The following GALNT6 variants were observed in gnomAD, a reference collection of about 807,000 sequenced individuals.
The protein encoded by GALNT6 is polypeptide N-acetylgalactosaminyltransferase 6.
In GALNT6, 51 loss-of-function variants were observed where a neutral mutation model predicts 65.9. The observed-to-expected ratio is 0.77, with a 90% CI of 0.62 to 0.98. GALNT6 has a LOEUF of 0.98. Among genes scored for constraint, GALNT6 ranks in the 50% least tolerant of loss-of-function variants. The pLI, the probability that GALNT6 is intolerant of heterozygous loss-of-function variation, is 0.00. For missense variants in GALNT6, 708 were observed against 803.3 expected, an observed-to-expected ratio of 0.88 and a Z score of 1.43; for synonymous variants, 323 against 315.1, an observed-to-expected ratio of 1.02 and a Z score of -0.26.
At chr12:51,381,878 G>A (rs1947683774) in intron 2 of GALNT6, among the ~76,000 whole-genome samples, 1 of 152,210 alleles carries the variant, frequency 6.6e-6, no homozygotes, top group Non-Finnish European at 1.5e-5. Flanking sequence ...CTGGCCCTTG[G>A]CCAAAGCCAC....
chr12:51,354,947 C>T (rs1308098898), intron 11 of GALNT6, among the ~76,000 whole-genome samples: 1 of 151,460 alleles, frequency 6.6e-6, no homozygotes, highest in South Asian at 2.1e-4. Flanking sequence ...AGCATGGTGG[C>T]GGTTACATGG....
intron 10 of GALNT6, among the ~76,000 whole-genome samples, chr12:51,356,351 C>G (rs1452836563): frequency 9.3e-6 from 1 of 108,066 alleles, no homozygotes; most frequent in African/African-American, 3.4e-5. Flanking sequence ...AGTATATTTT[C>G]TCTTTTTTTT....
intron 4 of GALNT6, among the ~76,000 whole-genome samples, chr12:51,366,074 T>C (rs73309782): frequency 0.028 from 4,188 of 152,270 alleles, 162 homozygotes; most frequent in East Asian, 0.13. Flanking sequence ...TGTGCAACCA[T>C]GCCTGGCTCA....
chr12:51,379,918 C>A, intron 2 of GALNT6, 34 bp from the exon 3 acceptor site: 1 of 905,102 alleles, frequency 1.1e-6, no homozygotes, highest in Admixed American at 2.9e-5. Context: ...GAGAAGTGAG[C>A]CAACACAGGG....
rs755449253 is a variant in GALNT6, at chr12:51,358,296, C to T, written c.1369-35G>A. Reference sequence around the variant, plus strand: ...AAGCCAGCCCCCTAAGGATCAGTTCCACCAGTTTTTTTTTTTTTTTTTAAG... The same window carrying T: ...AAGCCAGCCCCCTAAGGATCAGTTCTACCAGTTTTTTTTTTTTTTTTTAAG... On this transcript the variant is annotated intron_variant, in intron 8 of 11. Coordinates refer to ENST00000356317, the MANE Select transcript of GALNT6 (RefSeq NM_007210.4). 19 of 1,575,968 alleles carry T rather than the reference C, an allele frequency of 1.2e-5. No homozygotes were observed. In the East Asian group the frequency reaches 4.1e-4, roughly 34 times the overall value.
intron 2 of GALNT6, among the ~76,000 whole-genome samples, chr12:51,390,164 T>TTC (rs1565741258): frequency 4.2e-5 from 2 of 47,236 alleles, no homozygotes; most frequent in Admixed American, 2.1e-4. Context: ...TTCTTTTTTT[T>TTC]TTTTTTTTTT....
At chr12:51,388,549 G>C (rs1056446650) in intron 2 of GALNT6, among the ~76,000 whole-genome samples, 7 of 152,144 alleles carry the variant, frequency 4.6e-5, no homozygotes. Flanking sequence ...CCTAGACTAA[G>C]GTGCATCTTG....
intron 4 of GALNT6, among the ~76,000 whole-genome samples, chr12:51,367,771 C>G (rs1947156060): frequency 6.6e-6 from 1 of 152,218 alleles, no homozygotes; most frequent in Non-Finnish European, 1.5e-5. Context: ...CAGCACTGAG[C>G]TGGAGTGTGT....
At chr12:51,374,835 G>A (rs1174751781) in intron 4 of GALNT6, among the ~76,000 whole-genome samples, 1 of 152,136 alleles carries the variant, frequency 6.6e-6, no homozygotes, top group Non-Finnish European at 1.5e-5. Context: ...TCTTCCTGCC[G>A]ATTATCCTCC....
chr12:51,389,515 T>G (rs1947955304), intron 2 of GALNT6, among the ~76,000 whole-genome samples: 1 of 152,246 alleles, frequency 6.6e-6, no homozygotes, highest in Non-Finnish European at 1.5e-5. Flanking sequence ...TGCATTTGAC[T>G]GGTGCTTGGA....
chr12:51,379,608 C>A lies in GALNT6; in HGVS notation c.174G>T (p.Leu58=). 6.2e-7 allele frequency: 1 copy of A among 1,614,114 alleles called. No homozygotes were observed. The highest frequency in any genetic ancestry group is 8.5e-7 in the Non-Finnish European group (1 of 1,179,958). ...SRKDHVLDLM[L]EAMNNLRDSM... is the part of the protein sequence containing the mutation. ...AATCTCTAAGGTTGTTCATGGCCTC[C>A]AGCATGAGGTCCAGGACGTGATCCT... The change falls in exon 3 of 12, where the codon CTG becomes CTT. Residue 58 remains leucine, a synonymous_variant. Coordinates refer to ENST00000356317, the MANE Select transcript of GALNT6 (RefSeq NM_007210.4).
rs1386682724 is a variant in GALNT6, at chr12:51,387,770, T to C, written c.-104+3080A>G. Among the ~76,000 whole-genome samples the C allele has an allele frequency of 2.7e-5, 4 of 147,766 alleles. No homozygotes were observed. The East Asian group carries it at 6.0e-4, about 22-fold the overall frequency. The stretch of plus-strand genomic sequence containing the variant: ...ACGAGACTGGGCTTGAGGGGGAGAG[T>C]TGGGGGAAAGGACAGAGAAGGGACA... On this transcript the variant is annotated intron_variant, in intron 2 of 11. Transcript: ENST00000356317. This position sits in a 1 kb window ranked among gnomAD's most constrained non-coding sequence, Gnocchi z 4.2.
chr12:51,378,999 A>G (rs905890223), intron 3 of GALNT6, among the ~76,000 whole-genome samples: 1 of 152,034 alleles, frequency 6.6e-6, no homozygotes, highest in Non-Finnish European at 1.5e-5. Flanking sequence ...ACCCCGTGCC[A>G]GGTCCTGGTG....
At position 51,389,259 on chromosome 12, in the gene GALNT6, C is replaced by T. The variant is rs534280827; in HGVS notation, c.-104+1591G>A. Among the ~76,000 whole-genome samples, 38 of 152,336 alleles carry T rather than the reference C, an allele frequency of 2.5e-4. 1 individual carries two copies. Among genetic ancestry groups the T allele is most frequent in the South Asian group, 2.5e-3 (12 of 4,830 alleles). On this transcript the variant is annotated intron_variant, in intron 2 of 11. Transcript: ENST00000356317. ...AGCATCCCTTCCAGGGCTGAGATGT[C>T]GGAACACATCCGTGGGAGCCAGAAA...
rs368880747 is a variant in GALNT6, at chr12:51,370,491, C to T, written c.665-4912G>A. On this transcript the variant is annotated intron_variant, in intron 4 of 11. Coordinates refer to ENST00000356317, the MANE Select transcript of GALNT6 (RefSeq NM_007210.4). Reference sequence around the variant, plus strand: ...TGGAGGTTGCGGTGAGCCAAGATTGCGCCAATGGGCAACAAGAACGAACTC... The same window carrying T: ...TGGAGGTTGCGGTGAGCCAAGATTGTGCCAATGGGCAACAAGAACGAACTC... Among the ~76,000 whole-genome samples, 40 of 152,200 alleles carry T rather than the reference C, an allele frequency of 2.6e-4. No homozygotes were observed. In the South Asian group the frequency reaches 6.2e-3, roughly 24 times the overall value.
chr12:51,379,253 GC>G, intron 3 of GALNT6, 37 bp downstream of exon 3: 1 of 1,513,086 alleles, frequency 6.6e-7, no homozygotes, highest in Non-Finnish European at 8.8e-7. Flanking sequence ...CTTTAGCAAA[GC>G]CCTGGTCTCC....
chr12:51,378,878 G>GCCCCCCC (rs751422463), intron 3 of GALNT6, among the ~76,000 whole-genome samples: 1 of 119,406 alleles, frequency 8.4e-6, no homozygotes, highest in African/African-American at 3.4e-5. Flanking sequence ...GTTAAGAAAT[G>GCCCCCCC]CCCACCCCCC....
intron 9 of GALNT6, among the ~76,000 whole-genome samples, 158 bp from the exon 10 acceptor site, chr12:51,357,608 A>G (rs983284032): frequency 1.3e-5 from 2 of 152,220 alleles, no homozygotes; most frequent in Admixed American, 6.5e-5. Flanking sequence ...GTTAACCCAC[A>G]TGCCTGGAGC....
At position 51,354,488 on chromosome 12, in the gene GALNT6, T is replaced by A. The variant is rs764201304; in HGVS notation, c.1760A>T (p.Gln587Leu). Residue 587 changes from glutamine (Q) to leucine (L), a missense_variant, in exon 12 of 12, where the codon CAG (glutamine) becomes CTG (leucine). By Grantham distance (113) the Gln-to-Leu change is moderately radical (BLOSUM62 -2). Coordinates refer to ENST00000356317, the MANE Select transcript of GALNT6 (RefSeq NM_007210.4). ...KDEEWELAQD[Q>L]LIRNSGSGTC... ...ACCAGATCCTGAGTTCCTGATGAGC[T>A]GATCCTAAAAGATGACAAAGCAAAA... The A allele has an allele frequency of 5.0e-6, 8 of 1,593,310 alleles. No homozygotes were observed. In the Admixed American group the frequency reaches 1.4e-4, roughly 28 times the overall value.
Sources: gnomAD v4.1 joint callset for allele counts (sites outside exome capture counted in the v4.1 genomes callset) on GRCh38, gnomAD v4.1.1 for gene constraint, Gnocchi (gnomAD v3.1) non-coding constraint, MANE v1.5 for transcripts, NCBI Gene and HGNC (gene_info 2026-07-23, HGNC 2026-07-21) for gene names.